LARP4B: variants seen among roughly 807,000 people sequenced by gnomAD.
LARP4B encodes La ribonucleoprotein 4B.
In LARP4B, 12 loss-of-function variants were observed where a neutral mutation model predicts 89.8. The observed-to-expected ratio is 0.13, with a 90% CI of 0.09 to 0.22. The LOEUF is 0.22. LARP4B is among the 10% of genes least tolerant of loss of function. The probability of loss-of-function intolerance (pLI) is 1.00; values close to 1 mark genes in which losing one functional copy is unlikely to be tolerated. For synonymous variants in LARP4B, 367 were observed against 363.3 expected (o/e 1.01, Z -0.12); for missense variants, 757 against 947.7 (o/e 0.80, Z 2.64).
intron 1 of LARP4B, among the ~76,000 whole-genome samples, chr10:892,217 T>C (rs977538705): frequency 6.6e-6 from 1 of 152,250 alleles, no homozygotes; most frequent in African/African-American, 2.4e-5. Flanking sequence ...TGTCTCTTTA[T>C]GTAAAAAGCA....
chr10:915,850 AG>A (rs1348994123), intron 1 of LARP4B, among the ~76,000 whole-genome samples: 1 of 151,574 alleles, frequency 6.6e-6, no homozygotes, highest in East Asian at 1.9e-4. Flanking sequence ...AAAAAAAAAA[AG>A]GTTTTTGCTT....
rs749950846 is a variant in LARP4B, at chr10:813,007, C to T, written c.2136G>A (p.Pro712=). ...TPGAPRDQRR[P]AGGRPSPSAM... ...CCGAGGGCGAGGGCCGGCCCCCCGCCGGCCGCCTCTGGTCTCTGGGGGCTC... is the reference window on the plus strand; with the variant it reads ...CCGAGGGCGAGGGCCGGCCCCCCGCTGGCCGCCTCTGGTCTCTGGGGGCTC... The change falls in exon 18 of 18, where the codon CCG becomes CCA. Residue 712 remains proline (P), a synonymous_variant. Transcript: ENST00000316157. 9.4e-6 allele frequency: 15 copies of T among 1,593,300 alleles called. No homozygotes were observed. Among genetic ancestry groups the T allele is most frequent in the East Asian group, 2.2e-5 (1 of 44,798 alleles).
Position 820,805 on chromosome 10 carries a change from A to T in LARP4B, c.1525T>A (p.Phe509Ile). The change falls in exon 14 of 18, where the codon TTT (phenylalanine) becomes ATT (isoleucine). Residue 509 changes from phenylalanine to isoleucine, a missense_variant. Phe to Ile is a conservative substitution (Grantham distance 21). Coordinates refer to ENST00000316157, the MANE Select transcript of LARP4B (RefSeq NM_015155.3). ...FGYRKKREEK[F>I]TSSQTQSPTP... ...TATATGCTTTATGTACTCACTGTAA[A>T]CTTCTCCTCCCTTTTCTTCCGGTAG... 6.2e-7 allele frequency: 1 copy of T among 1,613,158 alleles called. No homozygotes were observed. The highest frequency in any genetic ancestry group is 1.7e-4 in the Middle Eastern group (1 of 6,058).
chr10:937,198 A>T, the LARP4B span, among the ~76,000 whole-genome samples: 69 of 152,242 alleles, frequency 4.5e-4, no homozygotes, highest in Middle Eastern at 6.8e-3. Context: ...ATGCGCCACC[A>T]TGCCCAGCTA....
At chr10:856,773 T>A (rs1834324955) in intron 5 of LARP4B, among the ~76,000 whole-genome samples, 1 of 152,154 alleles carries the variant, frequency 6.6e-6, no homozygotes, top group African/African-American at 2.4e-5. Context: ...AAGTAACCGT[T>A]TTGAAAAATA....
chr10:859,867 T>C (rs1476099019), intron 5 of LARP4B, among the ~76,000 whole-genome samples: 1 of 150,608 alleles, frequency 6.6e-6, no homozygotes, highest in Non-Finnish European at 1.5e-5. Flanking sequence ...ATGCTAGGGG[T>C]TGGGGGGAGG....
intron 1 of LARP4B, among the ~76,000 whole-genome samples, chr10:923,002 G>C (rs1270457502): frequency 1.3e-5 from 2 of 152,034 alleles, no homozygotes; most frequent in African/African-American, 4.8e-5. Flanking sequence ...GTGAACCTGG[G>C]AGGCAGAACT....
the LARP4B span, among the ~76,000 whole-genome samples, chr10:982,396 C>A: frequency 1.3e-5 from 2 of 152,058 alleles, no homozygotes; most frequent in Non-Finnish European, 2.9e-5. Context: ...CAGCCTCAAC[C>A]TATAACTTTT....
intron 1 of LARP4B, among the ~76,000 whole-genome samples, chr10:924,812 T>C (rs1462981653): frequency 6.6e-6 from 1 of 152,232 alleles, no homozygotes; most frequent in Non-Finnish European, 1.5e-5. Context: ...TGTCCACCTG[T>C]CTCAATGGAC....
chr10:974,400 C>A, the LARP4B span, among the ~76,000 whole-genome samples: 1 of 152,188 alleles, frequency 6.6e-6, no homozygotes, highest in African/African-American at 2.4e-5. Context: ...TCCCAGGGAG[C>A]CTTACCGTGG....
the LARP4B span, chr10:973,046 G>A: frequency 1.1e-5 from 4 of 372,602 alleles, no homozygotes; most frequent in Admixed American, 1.4e-4. Flanking sequence ...CGAGGGGCAA[G>A]CACCCACTCA....
At chr10:850,612 A>C (rs1342906709) in intron 5 of LARP4B, among the ~76,000 whole-genome samples, 1 of 152,246 alleles carries the variant, frequency 6.6e-6, no homozygotes, top group Non-Finnish European at 1.5e-5. Flanking sequence ...ACTACCACTC[A>C]ACTTGACCTC....
chr10:812,581 A>G lies in LARP4B; in HGVS notation c.*345T>C, dbSNP rs988932274. 5.6e-6 allele frequency: 1 copy of G among 179,564 alleles called. No homozygotes were observed. The highest frequency in any genetic ancestry group is 1.2e-5 in the Non-Finnish European group (1 of 86,728). 11.1% of individuals were successfully genotyped at this position (179,564 alleles called of 1,614,324 possible). The stretch of plus-strand genomic sequence containing the variant: ...AAAGCAGAGTTCCCTTAATTTAGAA[A>G]AACTCACTATATATAGCTTGCATTC... On this transcript the variant is annotated 3_prime_UTR_variant, in exon 18 of 18. Transcript: ENST00000316157.
chr10:959,441 A>AATCCACCTCCCCGTCAACCACCTCCCCG, the LARP4B span, among the ~76,000 whole-genome samples: 1 of 29,494 alleles, frequency 3.4e-5, no homozygotes, highest in Admixed American at 3.9e-4. Context: ...CCACCTCCCC[A>AATCCACCTCCCCGTCAACCACCTCCCCG]TCAATCCACC....
At chr10:985,047 G>A in the LARP4B span, among the ~76,000 whole-genome samples, 8,189 of 152,190 alleles carry the variant, frequency 0.054, 405 homozygotes, top group African/African-American at 0.13. Context: ...AGTTCCATGC[G>A]CCCTGAACGC....
At chr10:890,598 G>C (rs1835986540) in intron 1 of LARP4B, among the ~76,000 whole-genome samples, 1 of 152,162 alleles carries the variant, frequency 6.6e-6, no homozygotes, top group South Asian at 2.1e-4. Context: ...AGAAGACACA[G>C]ATTTCGGGAA....
intron 8 of LARP4B, among the ~76,000 whole-genome samples, chr10:835,225 A>T (rs1833140684): frequency 6.6e-6 from 1 of 152,194 alleles, no homozygotes; most frequent in Admixed American, 6.5e-5. Flanking sequence ...CTTCTATGAG[A>T]GTAATAGAAT....
intron 15 of LARP4B, among the ~76,000 whole-genome samples, chr10:817,237 T>C: frequency 6.6e-6 from 1 of 152,168 alleles, no homozygotes; most frequent in East Asian, 1.9e-4. Context: ...CCTGGGATGA[T>C]ATTCACTGCA....
the LARP4B span, among the ~76,000 whole-genome samples, chr10:945,229 C>CAAA: frequency 6.6e-6 from 1 of 151,368 alleles, no homozygotes; most frequent in Admixed American, 6.6e-5. Context: ...ACTAAAAATA[C>CAAA]AAAAATTAGC....
Sources: gnomAD v4.1 joint callset for allele counts (sites outside exome capture counted in the v4.1 genomes callset) on GRCh38, gnomAD v4.1.1 for gene constraint, MANE v1.5 for transcripts, NCBI Gene and HGNC (gene_info 2026-07-23, HGNC 2026-07-21) for gene names.